LMF1: variants seen among roughly 807,000 people sequenced by gnomAD.
The protein encoded by LMF1 is lipase maturation factor 1, also known as transmembrane protein 112.
LMF1 carries 68 observed loss-of-function variants against 60.6 expected under a neutral mutation model. That is an observed-to-expected ratio of 1.12 (90% CI 0.92 to 1.37). The LOEUF is 1.37. Among genes scored for constraint, LMF1 ranks in the 40% most tolerant of loss-of-function variants. The probability of loss-of-function intolerance (pLI) is 0.00; values close to 1 mark genes in which losing one functional copy is unlikely to be tolerated. For synonymous variants in LMF1, 418 were observed against 324.7 expected, an observed-to-expected ratio of 1.29 and a Z score of -3.09; for missense variants, 948 against 767.2, an observed-to-expected ratio of 1.24 and a Z score of -2.78.
At chr16:951,283 C>CAGCCAAGGACAGAGTCAG (rs2072460341) in intron 2 of LMF1, among the ~76,000 whole-genome samples, 3 of 150,438 alleles carry the variant, frequency 2.0e-5, no homozygotes, top group Non-Finnish European at 4.4e-5. Flanking sequence ...ACGACAGAGT[C>CAGCCAAGGACAGAGTCAG]AGCCAAGGAC....
chr16:946,191 C>T (rs2072234114), intron 2 of LMF1, among the ~76,000 whole-genome samples: 1 of 152,246 alleles, frequency 6.6e-6, no homozygotes, highest in African/African-American at 2.4e-5. Context: ...AGTGGACCTG[C>T]AACCACAGGC....
chr16:856,042 G>A (rs1427646824), intron 10 of LMF1: 1 of 441,406 alleles, frequency 2.3e-6, no homozygotes, highest in East Asian at 7.0e-5. Flanking sequence ...GGTGGAGGAG[G>A]GTCCCTGAGG....
At chr16:879,038 C>A (rs2070081017) in intron 6 of LMF1, among the ~76,000 whole-genome samples, 1 of 151,824 alleles carries the variant, frequency 6.6e-6, no homozygotes, top group African/African-American at 2.4e-5. Flanking sequence ...ATGCAGGGGG[C>A]TTGTGGGGCA....
intron 1 of LMF1, among the ~76,000 whole-genome samples, chr16:969,829 G>A (rs576438749): frequency 6.6e-6 from 1 of 152,318 alleles, no homozygotes; most frequent in African/African-American, 2.4e-5. Flanking sequence ...ACATGTATCC[G>A]TGTGATCACA....
chr16:893,757 G>A (rs906102799), intron 4 of LMF1, among the ~76,000 whole-genome samples: 1 of 152,024 alleles, frequency 6.6e-6, no homozygotes, highest in Non-Finnish European at 1.5e-5. Context: ...TGCTTTCCCT[G>A]GGTCACTCCC....
chr16:965,246 T>C (rs561569649), intron 1 of LMF1, among the ~76,000 whole-genome samples: 123 of 152,280 alleles, frequency 8.1e-4, no homozygotes, highest in Non-Finnish European at 1.3e-3. Context: ...GGAGAGACTT[T>C]CCCAGGTTTC....
chr16:900,681 ATGTGTGTGTGTGTGTGTGTG>A (rs139778716), intron 4 of LMF1: 7 of 90,812 alleles, frequency 7.7e-5, no homozygotes, highest in East Asian at 2.8e-4. Context: ...GCTAATTTTT[ATGTGTGTGTGTGTGTGTGTG>A]TGTGTGTGTG....
At chr16:887,287 G>A (rs1400949911) in intron 5 of LMF1, among the ~76,000 whole-genome samples, 1 of 152,228 alleles carries the variant, frequency 6.6e-6, no homozygotes, top group Non-Finnish European at 1.5e-5. Context: ...AGCAGCCCCA[G>A]CCGCTGTGCT....
At chr16:888,770 G>C (rs954271081) in intron 5 of LMF1, among the ~76,000 whole-genome samples, 2 of 152,160 alleles carry the variant, frequency 1.3e-5, no homozygotes, top group Non-Finnish European at 2.9e-5. Context: ...GCAGTGTGTG[G>C]GGAGAGCGAG....
chr16:920,512 G>A (rs888442653), intron 3 of LMF1, among the ~76,000 whole-genome samples: 1 of 152,164 alleles, frequency 6.6e-6, no homozygotes, highest in Admixed American at 6.5e-5. Flanking sequence ...GAAAGAAAAG[G>A]CAGTGAACAC....
At chr16:868,477 G>A (rs890991491) in intron 10 of LMF1, among the ~76,000 whole-genome samples, 9 of 152,186 alleles carry the variant, frequency 5.9e-5, no homozygotes, top group Non-Finnish European at 1.3e-4. Context: ...TCCTTGGAAT[G>A]TCACCACGTC....
At position 870,774 on chromosome 16, in the gene LMF1, T is replaced by G. The variant is rs1567155059; in HGVS notation, c.1187A>C (p.His396Pro). Reference sequence around the variant, plus strand: ...GTTGACGATGTGAAGAGAGTTGAAGTGGGTGTTCATGACCTGCCTGGAGCT... The same window carrying G: ...GTTGACGATGTGAAGAGAGTTGAAGGGGGTGTTCATGACCTGCCTGGAGCT... ...LLSSRQVMNT[H>P]FNSLHIVNTY... Residue 396 changes from histidine to proline, a missense_variant, in exon 8 of 11, where the codon CAC becomes CCC. His to Pro is a moderately conservative substitution (Grantham distance 77). Coordinates refer to ENST00000262301, the MANE Select transcript of LMF1 (RefSeq NM_022773.4). The G allele has an allele frequency of 6.2e-7, 1 of 1,612,898 alleles. No homozygotes were observed. Among genetic ancestry groups the G allele is most frequent in the East Asian group, 2.2e-5 (1 of 44,848 alleles).
chr16:979,015 T>C (rs1298210614), intron 1 of LMF1: 1 of 453,884 alleles, frequency 2.2e-6, no homozygotes, highest in East Asian at 6.9e-5. Flanking sequence ...AGAGGTGCTT[T>C]TGGAGTTACC....
chr16:864,028 A>G lies in LMF1; in HGVS notation c.1529+4916T>C, dbSNP rs117016111. Among the ~76,000 whole-genome samples, 10 of 152,242 alleles carry G rather than the reference A, an allele frequency of 6.6e-5. No individual in the cohort carries two copies. The East Asian group carries it at 9.6e-4, about 15-fold the overall frequency. On this transcript the variant is annotated intron_variant, in intron 10 of 10. Coordinates refer to ENST00000262301, the MANE Select transcript of LMF1 (RefSeq NM_022773.4). ...GAATTTCCATCTAGTTATTCTACCT[A>G]TTGTTGAAAGAAGGGTGTTGAAACA...
rs183660481 is a variant in LMF1 at position 897,373 on chromosome 16, C to A, written c.664-4301G>T. Among the ~76,000 whole-genome samples, 1 of 152,204 alleles carries A rather than the reference C, an allele frequency of 6.6e-6. No homozygotes were observed. The highest frequency in any genetic ancestry group is 2.4e-5 in the African/African-American group (1 of 41,458). On this transcript the variant is annotated intron_variant, in intron 4 of 10. Coordinates refer to ENST00000262301, the MANE Select transcript of LMF1 (RefSeq NM_022773.4). The surrounding 1 kb of genome is among the most constrained non-coding windows in gnomAD (Gnocchi z 4.3). ...ACAGACCCCCAGCCCCTACAGTCCC[C>A]GAAAGCACCGGCTAACGTGGTGTTT... is the stretch of plus-strand genomic sequence containing the variant.
chr16:947,576 G>T (rs780598909), intron 2 of LMF1: 6 of 455,732 alleles, frequency 1.3e-5, no homozygotes, highest in Non-Finnish European at 2.2e-5. Flanking sequence ...TCCAAGGGCA[G>T]CTCCCGCCAC....
At chr16:978,774 G>A (rs2073250504) in intron 1 of LMF1, among the ~76,000 whole-genome samples, 1 of 152,070 alleles carries the variant, frequency 6.6e-6, no homozygotes, top group Admixed American at 6.5e-5. Context: ...TGTGTGTGCA[G>A]CTCCCCCCTG....
intron 2 of LMF1, 50 bp downstream of exon 2, chr16:954,307 C>G (rs754082603): frequency 7.8e-5 from 122 of 1,563,296 alleles, no homozygotes; most frequent in Non-Finnish European, 1.0e-4. Flanking sequence ...AGTGCCTGTG[C>G]TGAGTGACAG....
At chr16:875,125 C>A (rs2069936365) in intron 6 of LMF1, among the ~76,000 whole-genome samples, 1 of 152,158 alleles carries the variant, frequency 6.6e-6, no homozygotes, top group Non-Finnish European at 1.5e-5. Flanking sequence ...CGCAGCCTGA[C>A]CTCCGAGGCC....
Sources: allele counts gnomAD v4.1 joint callset (sites outside exome capture counted in the v4.1 genomes callset), GRCh38; gene constraint gnomAD v4.1.1; non-coding constraint Gnocchi (gnomAD v3.1); transcripts MANE v1.5; gene names NCBI Gene and HGNC (gene_info 2026-07-23, HGNC 2026-07-21).